The following ANGPTL5 variants were observed in gnomAD, a reference collection of about 807,000 sequenced individuals.
The protein encoded by ANGPTL5 is angiopoietin like 5, also known as angiopoietin-related protein 5.
A neutral mutation model predicts 39.4 loss-of-function variants in ANGPTL5; 34 were observed. The observed-to-expected ratio is 0.86, with a 90% CI of 0.66 to 1.15. The LOEUF is 1.15. Among genes scored for constraint, ANGPTL5 ranks in the 50% most tolerant of loss-of-function variants. ANGPTL5 has a pLI of 0.00. For missense variants in ANGPTL5, 467 were observed against 457.5 expected (o/e 1.02, Z -0.19); for synonymous variants, 146 against 152.1 (o/e 0.96, Z 0.29).
rs367815497 is a variant in ANGPTL5 at position 101,907,149 on chromosome 11, A to C, written c.195T>G (p.Cys65Trp). 6.3e-7 allele frequency: 1 copy of C among 1,593,528 alleles called. No homozygotes were observed. The highest frequency in any genetic ancestry group is 2.2e-5 in the East Asian group (1 of 44,530). ...CTCGTGTAATTTTAGTTTTAACATC[A>C]CATGATTCCTCACAGTCTTCCTTAC... ...TVCKEDCEESCDVKTKITREE... is the reference protein window; with the variant it reads ...TVCKEDCEESWDVKTKITREE... The change falls in exon 3 of 9, where the codon TGT becomes TGG. Residue 65 changes from cysteine to tryptophan, a missense_variant. Transcript: ENST00000334289.
At chr11:101,896,411 G>C (rs1033904824) in intron 7 of ANGPTL5, among the ~76,000 whole-genome samples, 1 of 151,848 alleles carries the variant, frequency 6.6e-6, no homozygotes, top group Non-Finnish European at 1.5e-5. Flanking sequence ...AAAATGTGCA[G>C]GTTTGTTACA....
rs184303842 is a variant in ANGPTL5, at chr11:101,914,305, A to G, written c.-93+1714T>C. On this transcript the variant is annotated intron_variant, in intron 1 of 8. Transcript: ENST00000334289. The stretch of plus-strand genomic sequence containing the variant: ...ACAATAAGATTCAGCCTTTTTCAAA[A>G]CTGTCACTTGCATAGCCAATAAACT... Among the ~76,000 whole-genome samples the G allele has an allele frequency of 1.1e-3, 161 of 152,304 alleles. 2 individuals carry two copies. The highest frequency in any genetic ancestry group is 3.6e-3 in the African/African-American group (150 of 41,558).
At chr11:101,911,682 C>A (rs1320916180) in intron 1 of ANGPTL5, among the ~76,000 whole-genome samples, 1 of 152,178 alleles carries the variant, frequency 6.6e-6, no homozygotes, top group Non-Finnish European at 1.5e-5. Flanking sequence ...TCCCCAGAAG[C>A]AGATGCTGCC....
chr11:101,912,269 G>C (rs570412671), intron 1 of ANGPTL5, among the ~76,000 whole-genome samples: 4 of 152,350 alleles, frequency 2.6e-5, no homozygotes, highest in African/African-American at 9.6e-5. Flanking sequence ...ATTTAATTCA[G>C]ATGCCCCTTC....
chr11:101,914,586 T>G (rs998215565), intron 1 of ANGPTL5, among the ~76,000 whole-genome samples: 2 of 152,138 alleles, frequency 1.3e-5, no homozygotes, highest in Non-Finnish European at 2.9e-5. Flanking sequence ...AAGGAAAATT[T>G]CCACTTCACA....
In ANGPTL5 at chr11:101,912,879, G is replaced by T. The variant is rs980874817; in HGVS notation, c.-93+3140C>A. 3.3e-5 allele frequency among the ~76,000 whole-genome samples: 5 copies of T among 152,154 alleles called. No homozygotes were observed. The East Asian group carries it at 9.6e-4, about 29-fold the overall frequency. ...TTAAAGTAGAGATCATTAGACTGAC[G>T]GAACAGACACTTGGTGGCAGTAAGA... On this transcript the variant is annotated intron_variant, in intron 1 of 8. Transcript: ENST00000334289.
At chr11:101,908,608 G>A (rs1236213895) in intron 1 of ANGPTL5, among the ~76,000 whole-genome samples, 4 of 151,850 alleles carry the variant, frequency 2.6e-5, no homozygotes, top group South Asian at 2.1e-4. Flanking sequence ...GCGAAACCTC[G>A]TCTCTACTAA....
intron 1 of ANGPTL5, chr11:101,915,157 C>G: frequency 1.4e-6 from 2 of 1,441,874 alleles, no homozygotes; most frequent in Non-Finnish European, 1.9e-6. Context: ...GAGGCCAACC[C>G]TTCCGCGCCC....
At chr11:101,902,512 T>C (rs1250986213) in intron 6 of ANGPTL5, 109 bp downstream of exon 6, 4 of 969,438 alleles carry the variant, frequency 4.1e-6, no homozygotes, top group Non-Finnish European at 6.1e-6. Flanking sequence ...TTAAAATTTT[T>C]TGAGGAAAAA....
chr11:101,912,539 T>C (rs1940107192), intron 1 of ANGPTL5, among the ~76,000 whole-genome samples: 1 of 152,148 alleles, frequency 6.6e-6, no homozygotes, highest in Non-Finnish European at 1.5e-5. Flanking sequence ...GAAAACCCAC[T>C]TAATATTTTG....
At position 101,898,350 on chromosome 11, in the gene ANGPTL5, C is replaced by T. The variant is rs566347724; in HGVS notation, c.661+2080G>A. Among the ~76,000 whole-genome samples, 4 of 152,222 alleles carry T rather than the reference C, an allele frequency of 2.6e-5. No homozygotes were observed. In the South Asian group the frequency reaches 8.3e-4, roughly 32 times the overall value. On this transcript the variant is annotated intron_variant, in intron 7 of 8. Coordinates refer to ENST00000334289, the MANE Select transcript of ANGPTL5 (RefSeq NM_178127.5). ...TTTCCTTGAGCAGTGGTTTGTAGTTCTTGAAGAGGTCCTTCACATACCTTG... is the reference window on the plus strand; with the variant it reads ...TTTCCTTGAGCAGTGGTTTGTAGTTTTTGAAGAGGTCCTTCACATACCTTG...
intron 2 of ANGPTL5, 71 bp from the exon 3 acceptor site, chr11:101,907,318 A>C: frequency 1.0e-6 from 1 of 977,418 alleles, no homozygotes; most frequent in East Asian, 2.8e-5. Flanking sequence ...CATAATAAAA[A>C]AGACTATAGA....
chr11:101,908,963 T>C (rs764326541), intron 1 of ANGPTL5, among the ~76,000 whole-genome samples: 34 of 152,118 alleles, frequency 2.2e-4, no homozygotes, highest in Non-Finnish European at 3.8e-4. Context: ...TCCCTTTCAA[T>C]GTCTCCTTCC....
At chr11:101,904,746 G>A (rs146394142) in intron 5 of ANGPTL5, 68 bp downstream of exon 5, 11 of 1,364,606 alleles carry the variant, frequency 8.1e-6, no homozygotes, top group Admixed American at 1.7e-5. Flanking sequence ...TAAATGGATC[G>A]ACCTGTCCAG....
intron 1 of ANGPTL5, among the ~76,000 whole-genome samples, chr11:101,910,626 A>T (rs2137066406): frequency 6.6e-6 from 1 of 152,070 alleles, no homozygotes; most frequent in African/African-American, 2.4e-5. Context: ...ACCCCTACCT[A>T]TTCTTTCCCA....
rs755477929 is a variant in ANGPTL5 at position 101,907,924 on chromosome 11, G to A, written c.-15C>T. 3.8e-5 allele frequency: 58 copies of A among 1,517,612 alleles called. No individual in the cohort carries two copies. The highest frequency in any genetic ancestry group is 5.0e-5 in the Non-Finnish European group (55 of 1,093,324). 94.0% of individuals were successfully genotyped at this position (1,517,612 alleles called of 1,614,324 possible). A position where few individuals can be genotyped will look rare whatever the true frequency, so the allele number is the denominator to read the frequency against. ...GGAGACATCATATTTTTCTTGGATA[G>A]ATGAAAACACTTCTTCAAATATCAG... On this transcript the variant is annotated 5_prime_UTR_variant, in exon 2 of 9. Transcript: ENST00000334289.
At position 101,891,581 on chromosome 11, in the gene ANGPTL5, G is replaced by C; in HGVS notation, c.865C>G (p.Leu289Val). 5 of 1,613,748 alleles carry C rather than the reference G, an allele frequency of 3.1e-6. No homozygotes were observed. The highest frequency in any genetic ancestry group is 4.2e-6 in the Non-Finnish European group (5 of 1,179,880). Residue 289 changes from leucine (L) to valine (V), a missense_variant, in exon 9 of 9, where the codon CTC becomes GTC. Coordinates refer to ENST00000334289, the MANE Select transcript of ANGPTL5 (RefSeq NM_178127.5). ...SGNAGDAFRGLKKEDNQNAMP... is the reference protein window; with the variant it reads ...SGNAGDAFRGVKKEDNQNAMP... The stretch of plus-strand genomic sequence containing the variant: ...GCATTTTGATTATCTTCTTTTTTGA[G>C]ACCCCGGAATGCATCACCTGGGAAA...
At chr11:101,895,366 A>G (rs1296935927) in intron 7 of ANGPTL5, among the ~76,000 whole-genome samples, 3 of 152,174 alleles carry the variant, frequency 2.0e-5, no homozygotes, top group Non-Finnish European at 2.9e-5. Context: ...TATCTCCCAA[A>G]ATTAAATTAG....
chr11:101,915,425 G>A, intron 1 of ANGPTL5: 1 of 1,598,292 alleles, frequency 6.3e-7, no homozygotes, highest in Non-Finnish European at 8.6e-7. Flanking sequence ...ATCCTTCCCA[G>A]CCTGTGGCTG....
Sources: allele counts gnomAD v4.1 joint callset (sites outside exome capture counted in the v4.1 genomes callset), GRCh38; gene constraint gnomAD v4.1.1; transcripts MANE v1.5; gene names NCBI Gene and HGNC (gene_info 2026-07-23, HGNC 2026-07-21).